The following STK32A variants were observed in gnomAD, a reference collection of about 807,000 sequenced individuals.
STK32A encodes serine/threonine kinase 32A.
A neutral mutation model predicts 53.2 loss-of-function variants in STK32A; 41 were observed. The observed-to-expected ratio is 0.77, with a 90% CI of 0.60 to 1.00. The LOEUF (loss-of-function observed/expected upper bound fraction) is 1.00. STK32A is among the 50% of genes least tolerant of loss of function. The pLI is 0.00. For synonymous variants in STK32A, 166 were observed against 162.8 expected, an observed-to-expected ratio of 1.02 and a Z score of -0.15; for missense variants, 458 against 485.8, an observed-to-expected ratio of 0.94 and a Z score of 0.54.
At chr5:147,296,880 G>T (rs1210342765) in intron 4 of STK32A, among the ~76,000 whole-genome samples, 1 of 152,110 alleles carries the variant, frequency 6.6e-6, no homozygotes, top group Non-Finnish European at 1.5e-5. Flanking sequence ...AACTTAGTTT[G>T]TTTCTTGGTG....
At chr5:147,245,542 G>T (rs1257862703) in intron 2 of STK32A, among the ~76,000 whole-genome samples, 1 of 152,076 alleles carries the variant, frequency 6.6e-6, no homozygotes, top group Non-Finnish European at 1.5e-5. Context: ...ATTTTTACAG[G>T]AGAGAGTGGA....
chr5:147,327,682 G>A (rs952826789), intron 5 of STK32A, among the ~76,000 whole-genome samples: 2 of 152,176 alleles, frequency 1.3e-5, no homozygotes, highest in Non-Finnish European at 2.9e-5. Context: ...AGCTCCAGGA[G>A]GTTTATGGCA....
At chr5:147,372,678 C>T (rs1329739728) in intron 9 of STK32A, among the ~76,000 whole-genome samples, 5 of 152,088 alleles carry the variant, frequency 3.3e-5, no homozygotes, top group African/African-American at 1.2e-4. Context: ...ACTTTAGTTA[C>T]ACCTTATCTA....
At chr5:147,261,344 G>A (rs1022795351) in intron 2 of STK32A, among the ~76,000 whole-genome samples, 6 of 152,202 alleles carry the variant, frequency 3.9e-5, no homozygotes, top group Non-Finnish European at 8.8e-5. Flanking sequence ...GACAAGGGAG[G>A]GGAAGGGGTT....
Position 147,276,227 on chromosome 5 carries a change from C to A in STK32A, c.53-1897C>A, listed in dbSNP as rs775104916. 3.3e-5 allele frequency among the ~76,000 whole-genome samples: 5 copies of A among 152,202 alleles called. No individual in the cohort carries two copies. The East Asian group carries it at 7.7e-4, about 24-fold the overall frequency. ...AGTGTTTTTAAAATTATTCTGACCA[C>A]AACCCAAGGTAAAACATAAGCCAAA... On this transcript the variant is annotated intron_variant, in intron 2 of 12. Transcript: ENST00000397936.
At chr5:147,330,018 C>T (rs1033310661) in intron 5 of STK32A, among the ~76,000 whole-genome samples, 6 of 152,208 alleles carry the variant, frequency 3.9e-5, no homozygotes, top group Admixed American at 3.9e-4. Context: ...TGCCTTTCCA[C>T]TATGCTGGAT....
intron 7 of STK32A, among the ~76,000 whole-genome samples, chr5:147,358,246 C>T (rs1756345379): frequency 6.6e-6 from 1 of 152,138 alleles, no homozygotes; most frequent in Admixed American, 6.5e-5. Flanking sequence ...AATACTATTA[C>T]ACACTCACCA....
chr5:147,392,283 G>A (rs566108899), downstream of STK32A: 1 of 152,322 alleles, frequency 6.6e-6, no homozygotes, highest in Admixed American at 6.5e-5. Context: ...AGGGGAAATA[G>A]TCTTTTTTCA....
At chr5:147,241,181 T>A (rs1258992682) in intron 2 of STK32A, among the ~76,000 whole-genome samples, 4 of 152,152 alleles carry the variant, frequency 2.6e-5, no homozygotes, top group Non-Finnish European at 4.4e-5. Flanking sequence ...GGAAATACTT[T>A]TAAAAACAAC....
intron 5 of STK32A, among the ~76,000 whole-genome samples, chr5:147,324,281 A>G (rs1358094294): frequency 6.6e-6 from 1 of 152,254 alleles, no homozygotes; most frequent in Admixed American, 6.5e-5. Context: ...ACAGTAAACA[A>G]CAAGATCACA....
At chr5:147,390,294 G>T (rs1486312953), downstream of STK32A, among the ~76,000 whole-genome samples, 3 of 152,098 alleles carry the variant, frequency 2.0e-5, no homozygotes, top group Non-Finnish European at 4.4e-5. Context: ...GTACCTGAAA[G>T]CTCTAAGAAG....
intron 4 of STK32A, among the ~76,000 whole-genome samples, chr5:147,286,043 G>C (rs531005665): frequency 6.6e-6 from 1 of 152,190 alleles, no homozygotes; most frequent in South Asian, 2.1e-4. Context: ...CAATCAATGA[G>C]TGGATAAAGA....
At chr5:147,267,408 G>T (rs951952624) in intron 2 of STK32A, among the ~76,000 whole-genome samples, 9 of 152,080 alleles carry the variant, frequency 5.9e-5, no homozygotes, top group Non-Finnish European at 1.3e-4. Context: ...GCCACAAAAA[G>T]TCAGATTTAA....
intron 11 of STK32A, chr5:147,383,152 C>T (rs1344134459): frequency 2.4e-6 from 1 of 411,908 alleles, no homozygotes; most frequent in Non-Finnish European, 4.3e-6. Flanking sequence ...GCCACCCAAG[C>T]CTTCCCTGAA....
chr5:147,386,834 CA>C lies in STK32A; in HGVS notation c.*2857del, dbSNP rs567216672. The C allele has an allele frequency of 9.2e-5, 14 of 152,254 alleles. No individual in the cohort carries two copies. Among genetic ancestry groups the C allele is most frequent in the Admixed American group, 2.6e-4 (4 of 15,286 alleles). 9.4% of individuals were successfully genotyped at this position (152,254 alleles called of 1,614,324 possible). On this transcript the variant is annotated 3_prime_UTR_variant, in exon 13 of 13. Transcript: ENST00000397936. ...CCACTGTGCATTTTAAACATGAGAA[CA>C]AAAAACTTTTCCAAAATTTAAACTT...
At chr5:147,289,398 A>G (rs1271144513) in intron 4 of STK32A, among the ~76,000 whole-genome samples, 3 of 152,130 alleles carry the variant, frequency 2.0e-5, no homozygotes, top group Non-Finnish European at 4.4e-5. Flanking sequence ...TAGGCCTCTC[A>G]ATAATACTTT....
chr5:147,345,452 C>A (rs1387682776), intron 6 of STK32A, among the ~76,000 whole-genome samples: 1 of 152,130 alleles, frequency 6.6e-6, no homozygotes. Context: ...TTTTATGTTT[C>A]TTTGTCTATG....
chr5:147,272,294 CT>C (rs1755075318), intron 2 of STK32A, among the ~76,000 whole-genome samples: 1 of 152,158 alleles, frequency 6.6e-6, no homozygotes, highest in Non-Finnish European at 1.5e-5. Flanking sequence ...CCAGGGTGGT[CT>C]CAAACTCCTG....
chr5:147,383,858 T>C (rs1757548291), intron 12 of STK32A, 32 bp from the exon 13 acceptor site: 1 of 1,412,980 alleles, frequency 7.1e-7, no homozygotes, highest in African/African-American at 1.5e-5. Flanking sequence ...TTTCAAAGAA[T>C]AAAACATCTT....
Sources: gnomAD v4.1 joint callset for allele counts (sites outside exome capture counted in the v4.1 genomes callset) on GRCh38, gnomAD v4.1.1 for gene constraint, MANE v1.5 for transcripts, NCBI Gene and HGNC (gene_info 2026-07-23, HGNC 2026-07-21) for gene names.